Variants in HACD2 observed in about 807,000 individuals in gnomAD.
HACD2 encodes the protein 3-hydroxyacyl-CoA dehydratase 2.
In HACD2, 15 loss-of-function variants were observed where a neutral mutation model predicts 31.0. That is an observed-to-expected ratio of 0.48 (90% CI 0.32 to 0.75). The LOEUF is 0.75. Ranked by LOEUF, HACD2 falls within the 30% of genes least tolerant of loss-of-function variation. The pLI, the probability that HACD2 is intolerant of heterozygous loss-of-function variation, is 0.03. For missense variants in HACD2, 283 were observed against 313.0 expected (o/e 0.90, Z 0.72); for synonymous variants, 115 against 122.2 (o/e 0.94, Z 0.39).
intron 6 of HACD2, among the ~76,000 whole-genome samples, chr3:123,499,074 C>G (rs766700837): frequency 2.0e-5 from 3 of 152,172 alleles, no homozygotes; most frequent in Admixed American, 6.5e-5. Context: ...TGTTATGGAT[C>G]TGATTTCATA....
chr3:123,542,004 A>G (rs973910102), intron 3 of HACD2, among the ~76,000 whole-genome samples: 5 of 151,364 alleles, frequency 3.3e-5, no homozygotes, highest in African/African-American at 4.9e-5. Context: ...AAAATTAGCC[A>G]GGTGTAGTGG....
intron 4 of HACD2, among the ~76,000 whole-genome samples, chr3:123,503,896 C>T (rs1335546301): frequency 6.6e-6 from 1 of 152,186 alleles, no homozygotes; most frequent in African/African-American, 2.4e-5. Flanking sequence ...GTTTTTAGCA[C>T]TTATGTTCTT....
At chr3:123,558,569 T>C (rs1559927902) in intron 3 of HACD2, among the ~76,000 whole-genome samples, 1 of 152,046 alleles carries the variant, frequency 6.6e-6, no homozygotes. Flanking sequence ...AAAACTGCTC[T>C]AAAAAAATAG....
chr3:123,579,743 C>T (rs2056945821), intron 2 of HACD2, among the ~76,000 whole-genome samples: 1 of 152,156 alleles, frequency 6.6e-6, no homozygotes, highest in Admixed American at 6.5e-5. Flanking sequence ...TTCTCTGTAG[C>T]TTGTGGGAAC....
intron 4 of HACD2, among the ~76,000 whole-genome samples, chr3:123,526,057 C>CT (rs1432030004): frequency 9.2e-5 from 14 of 151,680 alleles, no homozygotes; most frequent in African/African-American, 3.4e-4. Flanking sequence ...GCACTGGCCT[C>CT]TGAGGGGCCA....
chr3:123,583,370 T>C (rs1576252384), intron 1 of HACD2, among the ~76,000 whole-genome samples: 2 of 152,332 alleles, frequency 1.3e-5, no homozygotes, highest in Middle Eastern at 6.8e-3. Flanking sequence ...TCACCGGCTC[T>C]TGCTAAGACA....
At chr3:123,563,070 C>CT (rs1559930010) in intron 3 of HACD2, among the ~76,000 whole-genome samples, 1 of 152,222 alleles carries the variant, frequency 6.6e-6, no homozygotes, top group Non-Finnish European at 1.5e-5. Context: ...CAAACTCCTG[C>CT]TAGGTACTAT....
chr3:123,537,610 C>CAT (rs756361560), intron 3 of HACD2, among the ~76,000 whole-genome samples: 38 of 150,730 alleles, frequency 2.5e-4, no homozygotes, highest in Middle Eastern at 3.4e-3. Context: ...CACACACACA[C>CAT]GGTAAAAAAA....
intron 2 of HACD2, 37 bp downstream of exon 2, chr3:123,582,175 A>T (rs2056972741): frequency 7.5e-7 from 1 of 1,333,772 alleles, no homozygotes; most frequent in African/African-American, 1.5e-5. Context: ...CTTCATACCA[A>T]TGGAAATCAA....
intron 4 of HACD2, among the ~76,000 whole-genome samples, chr3:123,507,753 A>G (rs2055996373): frequency 6.6e-6 from 1 of 152,216 alleles, no homozygotes; most frequent in Admixed American, 6.5e-5. Context: ...AAAATTTAAA[A>G]AAGGGCATGA....
At chr3:123,502,712 A>C (rs200781406) in intron 4 of HACD2, 31 bp from the exon 5 acceptor site, 2 of 1,570,788 alleles carry the variant, frequency 1.3e-6, no homozygotes, top group African/African-American at 1.3e-5. Flanking sequence ...AAGAAAAAAA[A>C]CACACAGACA....
chr3:123,578,760 A>C (rs971691239), intron 2 of HACD2, among the ~76,000 whole-genome samples: 1 of 152,258 alleles, frequency 6.6e-6, no homozygotes, highest in Non-Finnish European at 1.5e-5. Context: ...GCATAAAGAG[A>C]TATAAATGAG....
chr3:123,582,325 G>A lies in HACD2; in HGVS notation c.160C>T (p.Leu54=). ...CGGACCAGACCAACCGCTATAACCA[G>A]CCACCTAGTAAAAGAGAAAACAGCA... is the stretch of plus-strand genomic sequence containing the variant. ...IYNVVMTAGW[L]VIAVGLVRAY... is the part of the protein sequence containing the mutation. Residue 54 remains leucine, a synonymous_variant, in exon 2 of 7, where the codon CTG becomes TTG. Coordinates refer to ENST00000383657, the MANE Select transcript of HACD2 (RefSeq NM_198402.5). 3 of 1,565,252 alleles carry A rather than the reference G, an allele frequency of 1.9e-6. No individual in the cohort carries two copies. The highest frequency in any genetic ancestry group is 1.7e-6 in the Non-Finnish European group (2 of 1,158,326).
At chr3:123,516,026 C>G (rs907601685) in intron 4 of HACD2, among the ~76,000 whole-genome samples, 3 of 152,088 alleles carry the variant, frequency 2.0e-5, no homozygotes, top group Admixed American at 2.0e-4. Context: ...TCCCAGAGTG[C>G]TGGGATTACA....
intron 3 of HACD2, among the ~76,000 whole-genome samples, chr3:123,554,373 C>T (rs1314301072): frequency 6.6e-6 from 1 of 151,952 alleles, no homozygotes; most frequent in Non-Finnish European, 1.5e-5. Flanking sequence ...TGGTGGTACA[C>T]ATCTGTAGTC....
At chr3:123,572,377 A>G (rs2056864134) in intron 2 of HACD2, among the ~76,000 whole-genome samples, 1 of 152,274 alleles carries the variant, frequency 6.6e-6, no homozygotes, top group South Asian at 2.1e-4. Flanking sequence ...GCCTGGTGGC[A>G]TGTGCCTGTA....
chr3:123,567,803 AGAG>A, intron 2 of HACD2, 23 bp from the exon 3 acceptor site: 2 of 1,461,346 alleles, frequency 1.4e-6, no homozygotes, highest in Non-Finnish European at 1.9e-6. Flanking sequence ...AGGGGAAAAA[AGAG>A]GAGAATTAGT....
At chr3:123,572,760 C>T (rs992782957) in intron 2 of HACD2, among the ~76,000 whole-genome samples, 10 of 152,090 alleles carry the variant, frequency 6.6e-5, no homozygotes, top group Admixed American at 5.9e-4. Context: ...AACAAAGCCC[C>T]AAAAAGTTTA....
At chr3:123,529,981 T>C (rs1480650767) in intron 3 of HACD2, among the ~76,000 whole-genome samples, 1 of 152,200 alleles carries the variant, frequency 6.6e-6, no homozygotes, top group East Asian at 1.9e-4. Flanking sequence ...TTTTAAGCCA[T>C]TCTTGTAAAA....
Sources: gnomAD v4.1 joint callset for allele counts (sites outside exome capture counted in the v4.1 genomes callset) on GRCh38, gnomAD v4.1.1 for gene constraint, MANE v1.5 for transcripts, NCBI Gene and HGNC (gene_info 2026-07-23, HGNC 2026-07-21) for gene names.